Variants in RFC1 observed in about 807,000 individuals in gnomAD.
RFC1 encodes replication factor C subunit 1.
In RFC1, 37 loss-of-function variants were observed where a neutral mutation model predicts 137.4. The observed-to-expected ratio is 0.27, with a 90% CI of 0.21 to 0.35. The LOEUF is 0.35. Ranked by LOEUF, RFC1 falls within the 10% of genes least tolerant of loss-of-function variation. The pLI is 1.00. For synonymous variants in RFC1, 429 were observed against 455.7 expected (o/e 0.94, Z 0.75); for missense variants, 1,205 against 1,358.5 (o/e 0.89, Z 1.78).
intron 1 of RFC1, among the ~76,000 whole-genome samples, chr4:39,358,962 C>T (rs1055575401): frequency 4.6e-5 from 7 of 152,176 alleles, no homozygotes; most frequent in African/African-American, 1.2e-4. Flanking sequence ...AGCCAACATG[C>T]AGCCAAATCC....
chr4:39,327,481 G>T, intron 5 of RFC1, 43 bp downstream of exon 5: 1 of 1,225,090 alleles, frequency 8.2e-7, no homozygotes, highest in Non-Finnish European at 1.2e-6. Flanking sequence ...TTAGTGAATG[G>T]GTATAAATCC....
At chr4:39,313,551 T>C (rs980464452) in intron 10 of RFC1, among the ~76,000 whole-genome samples, 1 of 152,200 alleles carries the variant, frequency 6.6e-6, no homozygotes, top group African/African-American at 2.4e-5. Context: ...GAAGGGAGTT[T>C]TGCCCGAACT....
At chr4:39,302,424 G>T in intron 18 of RFC1, 48 bp from the exon 19 acceptor site, 1 of 1,521,726 alleles carries the variant, frequency 6.6e-7, no homozygotes, top group Non-Finnish European at 9.1e-7. Flanking sequence ...AAATCCTGTT[G>T]CTCCCCATCC....
At chr4:39,319,360 A>T (rs1489815801) in intron 9 of RFC1, among the ~76,000 whole-genome samples, 1 of 152,186 alleles carries the variant, frequency 6.6e-6, no homozygotes, top group African/African-American at 2.4e-5. Flanking sequence ...TGGCCCTGCC[A>T]CTTACCAGGT....
chr4:39,324,896 G>T (rs904641371), intron 6 of RFC1, among the ~76,000 whole-genome samples: 2 of 152,198 alleles, frequency 1.3e-5, no homozygotes, highest in African/African-American at 4.8e-5. Flanking sequence ...GCAAGAGGAA[G>T]GGAGTTCTAA....
intron 10 of RFC1, among the ~76,000 whole-genome samples, chr4:39,313,352 T>A (rs28417624): frequency 2.3e-4 from 35 of 152,352 alleles, no homozygotes; most frequent in African/African-American, 7.9e-4. Context: ...AAGAATTTAA[T>A]AGAAGCAGGT....
intron 2 of RFC1, among the ~76,000 whole-genome samples, chr4:39,348,827 T>C (rs1741038735): frequency 6.6e-6 from 1 of 152,054 alleles, no homozygotes; most frequent in Admixed American, 6.5e-5. Flanking sequence ...CCTGTGACTG[T>C]GGGGGTAGGG....
chr4:39,328,638 C>T lies in RFC1; in HGVS notation c.332-882G>A, dbSNP rs754201382. Among the ~76,000 whole-genome samples the T allele has an allele frequency of 1.1e-4, 16 of 152,086 alleles. 1 individual carries two copies. The highest frequency in any genetic ancestry group is 2.6e-4 in the Admixed American group (4 of 15,258). ...ATGTGGCTGCAGCACAATGCGGAGG[C>T]GTGCCAGAAGAGTTCGGGTGAAAGA... On this transcript the variant is annotated intron_variant, in intron 4 of 24. Coordinates refer to ENST00000349703, the MANE Select transcript of RFC1 (RefSeq NM_002913.5).
chr4:39,361,194 G>C (rs1741737291), intron 1 of RFC1, among the ~76,000 whole-genome samples: 1 of 152,128 alleles, frequency 6.6e-6, no homozygotes, highest in Non-Finnish European at 1.5e-5. Context: ...CTCGAGACCA[G>C]CCTGGCCAAC....
intron 6 of RFC1, among the ~76,000 whole-genome samples, chr4:39,324,321 A>C (rs1295075613): frequency 6.6e-6 from 1 of 152,252 alleles, no homozygotes; most frequent in Non-Finnish European, 1.5e-5. Flanking sequence ...AGATTAATAA[A>C]TTACCCAAAC....
chr4:39,350,273 G>A (rs558668714), intron 2 of RFC1, among the ~76,000 whole-genome samples: 22 of 152,116 alleles, frequency 1.4e-4, no homozygotes, highest in Admixed American at 4.6e-4. Flanking sequence ...AAACTCCAAC[G>A]TTTATGTAAT....
At chr4:39,295,261 A>C (rs1737921332) in intron 22 of RFC1, among the ~76,000 whole-genome samples, 1 of 152,186 alleles carries the variant, frequency 6.6e-6, no homozygotes, top group African/African-American at 2.4e-5. Flanking sequence ...AAATAGTTCA[A>C]TTATTTTCCT....
intron 2 of RFC1, among the ~76,000 whole-genome samples, chr4:39,347,048 C>T (rs1266624771): frequency 6.6e-6 from 1 of 152,206 alleles, no homozygotes; most frequent in Non-Finnish European, 1.5e-5. Flanking sequence ...AAAGTTCCTA[C>T]ACTGTATCGT....
chr4:39,356,203 G>T (rs1311017921), intron 1 of RFC1, among the ~76,000 whole-genome samples: 1 of 151,534 alleles, frequency 6.6e-6, no homozygotes, highest in Non-Finnish European at 1.5e-5. Context: ...GTTCCAGACT[G>T]GCCTGGCCAA....
chr4:39,295,862 G>T, intron 21 of RFC1, 103 bp from the exon 22 acceptor site: 1 of 1,048,824 alleles, frequency 9.5e-7, no homozygotes, highest in Non-Finnish European at 1.4e-6. Context: ...AAGCAACACT[G>T]TACCAAATAC....
Position 39,309,366 on chromosome 4 carries a change from G to A in RFC1, c.1489-334C>T, listed in dbSNP as rs560335517. Among the ~76,000 whole-genome samples the A allele has an allele frequency of 1.0e-3, 152 of 152,112 alleles. 1 individual carries two copies. Among genetic ancestry groups the A allele is most frequent in the Middle Eastern group, 6.8e-3 (2 of 294 alleles). On this transcript the variant is annotated intron_variant, in intron 12 of 24. Transcript: ENST00000349703. ...TTTCCTAATTAAAAGTTAATGCCTC[G>A]ACAAAAACTTGTACACAAATGTTCA...
intron 2 of RFC1, 63 bp downstream of exon 2, chr4:39,351,285 A>G (rs1427889680): frequency 2.1e-6 from 1 of 481,176 alleles, no homozygotes; most frequent in South Asian, 3.1e-5. Context: ...AAAAAAAAAA[A>G]CTTATAAGAA....
At chr4:39,359,481 A>T (rs1309308344) in intron 1 of RFC1, among the ~76,000 whole-genome samples, 1 of 152,222 alleles carries the variant, frequency 6.6e-6, no homozygotes, top group Non-Finnish European at 1.5e-5. Context: ...CAAACATTGT[A>T]TATTCTCACT....
At chr4:39,310,767 A>G (rs1738925749) in intron 12 of RFC1, among the ~76,000 whole-genome samples, 1 of 152,230 alleles carries the variant, frequency 6.6e-6, no homozygotes. Context: ...TACAGTTCTA[A>G]TTGAAAACAA....
Sources: allele counts gnomAD v4.1 joint callset (sites outside exome capture counted in the v4.1 genomes callset), GRCh38; gene constraint gnomAD v4.1.1; transcripts MANE v1.5; gene names NCBI Gene and HGNC (gene_info 2026-07-23, HGNC 2026-07-21).